RIMS2: variants seen among roughly 807,000 people sequenced by gnomAD.
RIMS2 encodes regulating synaptic membrane exocytosis protein 2.
RIMS2 carries 59 observed loss-of-function variants against 174.4 expected under a neutral mutation model. The observed-to-expected ratio is 0.34, with a 90% CI of 0.27 to 0.42. The LOEUF (loss-of-function observed/expected upper bound fraction) is 0.42, where lower values mean the gene tolerates loss of function less well. Ranked by LOEUF, RIMS2 falls within the 10% of genes least tolerant of loss-of-function variation. The pLI, the probability that RIMS2 is intolerant of heterozygous loss-of-function variation, is 1.00. For missense variants in RIMS2, 1,620 were observed against 1,666.3 expected (o/e 0.97, Z 0.48); for synonymous variants, 606 against 572.5 (o/e 1.06, Z -0.84).
intron 2 of RIMS2, among the ~76,000 whole-genome samples, chr8:103,755,000 G>T (rs114735267): frequency 1.6e-3 from 246 of 152,252 alleles, no homozygotes; most frequent in African/African-American, 5.5e-3. Context: ...TTGCCCGTTA[G>T]TTTATGCAGT....
chr8:103,608,888 G>C (rs1188454299), intron 1 of RIMS2, among the ~76,000 whole-genome samples: 2 of 152,202 alleles, frequency 1.3e-5, no homozygotes, highest in African/African-American at 4.8e-5. Flanking sequence ...TGCGCCCACT[G>C]TCTGGCACTC....
intron 2 of RIMS2, among the ~76,000 whole-genome samples, chr8:103,763,375 A>G (rs1564548174): frequency 1.3e-5 from 2 of 151,886 alleles, no homozygotes; most frequent in African/African-American, 4.8e-5. Context: ...GGTTGAGGCT[A>G]CAGTGAACTG....
chr8:103,698,814 G>A (rs910955561), intron 2 of RIMS2, among the ~76,000 whole-genome samples: 1 of 152,054 alleles, frequency 6.6e-6, no homozygotes, highest in Non-Finnish European at 1.5e-5. Context: ...CTATATTCAT[G>A]AGGCATGTGT....
At chr8:103,612,133 T>A (rs957828475) in intron 1 of RIMS2, among the ~76,000 whole-genome samples, 7 of 152,230 alleles carry the variant, frequency 4.6e-5, no homozygotes, top group South Asian at 2.1e-4. Context: ...CTTGATTTTT[T>A]AAAATTATTT....
intron 1 of RIMS2, 24 bp downstream of exon 2, chr8:103,652,261 A>T (rs1287816566): frequency 7.5e-7 from 1 of 1,325,166 alleles, no homozygotes; most frequent in Admixed American, 1.9e-5. Context: ...TTAAGAGTGT[A>T]GTAGGCTTGA....
chr8:104,048,518 G>A (rs2096731084), intron 19 of RIMS2, among the ~76,000 whole-genome samples: 2 of 152,080 alleles, frequency 1.3e-5, no homozygotes, highest in South Asian at 4.1e-4. Flanking sequence ...CAATATAAAT[G>A]AAGAACCTTA....
At position 103,613,080 on chromosome 8, in the gene RIMS2, C is replaced by T. The variant is rs547267418; in HGVS notation, c.177-84006C>T. On this transcript the variant is annotated intron_variant, in intron 1 of 23. Transcript: ENST00000504942. ...GTGTACTCAAACCCCTAGGGCTCTA[C>T]AATTAGCAGATGGTAAAGGCAGACA... Among the ~76,000 whole-genome samples, 97 of 152,268 alleles carry T rather than the reference C, an allele frequency of 6.4e-4. 1 individual carries two copies. Among genetic ancestry groups the T allele is most frequent in the Non-Finnish European group, 1.2e-4 (8 of 68,022 alleles).
At chr8:104,003,164 G>A (rs1261695464) in intron 17 of RIMS2, among the ~76,000 whole-genome samples, 1 of 152,148 alleles carries the variant, frequency 6.6e-6, no homozygotes, top group East Asian at 1.9e-4. Flanking sequence ...AACATCTATG[G>A]TGGGCAGCTA....
intron 19 of RIMS2, among the ~76,000 whole-genome samples, chr8:104,093,853 T>C (rs1365197382): frequency 6.6e-6 from 1 of 152,042 alleles, no homozygotes; most frequent in African/African-American, 2.4e-5. Context: ...CTATGGATAA[T>C]TTTGCTTACT....
chr8:104,127,013 G>T (rs2098437486), intron 19 of RIMS2, among the ~76,000 whole-genome samples: 1 of 151,944 alleles, frequency 6.6e-6, no homozygotes, highest in Non-Finnish European at 1.5e-5. Context: ...CTGAAACTCA[G>T]AATAATAAAT....
intron 2 of RIMS2, among the ~76,000 whole-genome samples, chr8:103,703,889 G>A (rs930915944): frequency 1.3e-5 from 2 of 151,962 alleles, no homozygotes; most frequent in African/African-American, 4.8e-5. Flanking sequence ...AGATTTTGGT[G>A]TCATCTTTAC....
chr8:103,857,012 A>C (rs150795251), intron 3 of RIMS2, among the ~76,000 whole-genome samples: 186 of 152,172 alleles, frequency 1.2e-3, no homozygotes, highest in African/African-American at 4.3e-3. Context: ...TTTTCTTTTA[A>C]ATATTTATGT....
At chr8:103,524,956 A>G (rs1187790440) in intron 1 of RIMS2, among the ~76,000 whole-genome samples, 1 of 152,210 alleles carries the variant, frequency 6.6e-6, no homozygotes, top group South Asian at 2.1e-4. Flanking sequence ...TCTGTCATCC[A>G]GTTTTTACCA....
intron 1 of RIMS2, among the ~76,000 whole-genome samples, chr8:103,684,554 ATT>A (rs2096918209): frequency 7.3e-5 from 2 of 27,286 alleles, no homozygotes; most frequent in Non-Finnish European, 1.1e-4. Context: ...ATTTTATTTT[ATT>A]TTATTTTATT....
At chr8:103,604,198 G>A (rs796657588) in intron 1 of RIMS2, among the ~76,000 whole-genome samples, 1 of 151,146 alleles carries the variant, frequency 6.6e-6, no homozygotes, top group African/African-American at 2.4e-5. Context: ...AAGGGATCCA[G>A]TTTCAGCTTT....
In RIMS2 at chr8:103,783,491, A is replaced by G. The variant is rs574817755; in HGVS notation, c.698+16954A>G. Among the ~76,000 whole-genome samples, 247 of 150,676 alleles carry G rather than the reference A, an allele frequency of 1.6e-3. 1 individual carries two copies. The highest frequency in any genetic ancestry group is 5.0e-3 in the African/African-American group (204 of 40,986). On this transcript the variant is annotated intron_variant, in intron 3 of 23. Coordinates refer to ENST00000504942, the Ensembl canonical transcript of RIMS2. ...TGTGTCCATGTGATCTCATTGTTCA[A>G]TTCCCACCTATGAGTGAGAATATGT... is the stretch of plus-strand genomic sequence containing the variant.
At chr8:103,707,016 G>A (rs1020374146) in intron 2 of RIMS2, among the ~76,000 whole-genome samples, 2 of 151,854 alleles carry the variant, frequency 1.3e-5, no homozygotes, top group Non-Finnish European at 2.9e-5. Flanking sequence ...TTTTCAAATA[G>A]CCTGTCTTCG....
chr8:104,122,295 T>C (rs920385854), intron 19 of RIMS2, among the ~76,000 whole-genome samples: 2 of 152,142 alleles, frequency 1.3e-5, no homozygotes, highest in African/African-American at 4.8e-5. Context: ...TTTGCACTGG[T>C]AATCTGAAGG....
chr8:103,907,953 T>C (rs1156794006), intron 4 of RIMS2, among the ~76,000 whole-genome samples: 2 of 151,496 alleles, frequency 1.3e-5, no homozygotes, highest in African/African-American at 2.4e-5. Flanking sequence ...TTTCACCGTG[T>C]TAGCCAGGAT....
Sources: allele counts gnomAD v4.1 joint callset (sites outside exome capture counted in the v4.1 genomes callset), GRCh38; gene constraint gnomAD v4.1.1; transcripts MANE v1.5; gene names NCBI Gene and HGNC (gene_info 2026-07-23, HGNC 2026-07-21).